The following ZBTB20 variants were observed in gnomAD, a reference collection of about 807,000 sequenced individuals.
ZBTB20 encodes the protein zinc finger and BTB domain-containing protein 20.
Under a neutral mutation model 56.9 loss-of-function variants are expected in ZBTB20, and 9 were observed. The observed-to-expected ratio is 0.16, with a 90% confidence interval of 0.10 to 0.28. ZBTB20 has a LOEUF of 0.28. Among genes scored for constraint, ZBTB20 ranks in the 10% least tolerant of loss-of-function variants. The pLI is 1.00. For synonymous variants in ZBTB20, 417 were observed against 420.7 expected (o/e 0.99, Z 0.11); for missense variants, 655 against 1,003.0 (o/e 0.65, Z 4.69).
chr3:114,829,739 C>T (rs949884655), intron 4 of ZBTB20, among the ~76,000 whole-genome samples: 6 of 151,782 alleles, frequency 4.0e-5, no homozygotes, highest in Non-Finnish European at 7.4e-5. Context: ...ATAAAAGTGG[C>T]GTGCTATCCC....
chr3:114,589,058 C>G (rs1159194541), intron 6 of ZBTB20, among the ~76,000 whole-genome samples: 4 of 152,110 alleles, frequency 2.6e-5, no homozygotes, highest in African/African-American at 9.7e-5. Flanking sequence ...ATGGGAGTAA[C>G]TGCTTCCATG....
intron 6 of ZBTB20, among the ~76,000 whole-genome samples, chr3:114,522,309 G>A (rs1051718844): frequency 1.4e-5 from 2 of 139,968 alleles, no homozygotes; most frequent in African/African-American, 2.9e-5. Flanking sequence ...ATCATGCATG[G>A]TAGGCTGGAG....
At chr3:115,091,042 C>T (rs1255633933) in intron 1 of ZBTB20, among the ~76,000 whole-genome samples, 12 of 151,832 alleles carry the variant, frequency 7.9e-5, no homozygotes, top group African/African-American at 2.4e-4. Context: ...TATATAAGTT[C>T]ATTGTACTTT....
At chr3:114,397,011 C>A (rs1462614562) in intron 7 of ZBTB20, among the ~76,000 whole-genome samples, 1 of 152,156 alleles carries the variant, frequency 6.6e-6, no homozygotes, top group African/African-American at 2.4e-5. Flanking sequence ...CATTAGTAGG[C>A]CCCAGTTGGC....
rs190221458 is a variant in ZBTB20, at chr3:114,613,005, C to A, written c.-295+80523G>T. On this transcript the variant is annotated intron_variant, in intron 6 of 11. Coordinates refer to ENST00000675478, the MANE Select transcript of ZBTB20 (RefSeq NM_001348800.3). The stretch of plus-strand genomic sequence containing the variant: ...ATGAAGATCAGAATCAAGATTAGAG[C>A]CAAGGGCATCAGATTAAAATGCAGA... Among the ~76,000 whole-genome samples, 22 of 152,088 alleles carry A rather than the reference C, an allele frequency of 1.4e-4. No homozygotes were observed. The East Asian group carries it at 3.1e-3, about 21-fold the overall frequency.
intron 10 of ZBTB20, chr3:114,366,671 C>T (rs1318668097): frequency 2.6e-5 from 4 of 152,196 alleles, no homozygotes; most frequent in Admixed American, 1.3e-4. Context: ...AAGTTCCATA[C>T]CCATGTGTCT....
chr3:114,651,175 A>G (rs971689374), intron 6 of ZBTB20, among the ~76,000 whole-genome samples: 2 of 152,100 alleles, frequency 1.3e-5, no homozygotes, highest in African/African-American at 4.8e-5. Context: ...ACTTGTCTAC[A>G]TTTCATAATT....
chr3:115,011,781 C>T (rs80101116), intron 2 of ZBTB20, among the ~76,000 whole-genome samples: 1 of 151,742 alleles, frequency 6.6e-6, no homozygotes, highest in African/African-American at 2.4e-5. Flanking sequence ...ACTGTAACTG[C>T]AGTGTATAAA....
chr3:114,447,888 T>C (rs2091365161), intron 7 of ZBTB20, among the ~76,000 whole-genome samples: 2 of 152,198 alleles, frequency 1.3e-5, no homozygotes, highest in South Asian at 4.1e-4. Flanking sequence ...TCGGATACCC[T>C]GAGCCCCTTT....
In ZBTB20 at chr3:114,733,373, G is replaced by GT. The variant is rs554860219; in HGVS notation, c.-342-39799dup. 3.6e-4 allele frequency among the ~76,000 whole-genome samples: 55 copies of GT among 152,286 alleles called. 1 individual carries two copies. The highest frequency in any genetic ancestry group is 1.2e-3 in the African/African-American group (51 of 41,560). On this transcript the variant is annotated intron_variant, in intron 5 of 11. Transcript: ENST00000675478. ...GCAGAGTGTGCCTGCTTCTGCACAA[G>GT]TTTTTCTAGTTCCGGTTGCTCTAAT...
chr3:114,911,812 C>T (rs1433496864), intron 3 of ZBTB20, among the ~76,000 whole-genome samples: 1 of 151,408 alleles, frequency 6.6e-6, no homozygotes, highest in Non-Finnish European at 1.5e-5. Context: ...TTAGGAATTC[C>T]CAGAGAAGAC....
rs1242635015 is a variant in ZBTB20, at chr3:114,336,781, G to A, written c.*2224C>T. ...ATTAGAAGGAAAATTAAATTAAAAT[G>A]TAATGTAATTTTGAAACTAAAATAC... On this transcript the variant is annotated 3_prime_UTR_variant, in exon 12 of 12. Coordinates refer to ENST00000675478, the MANE Select transcript of ZBTB20 (RefSeq NM_001348800.3). The A allele has an allele frequency of 6.6e-6, 1 of 151,394 alleles. No homozygotes were observed. The highest frequency in any genetic ancestry group is 1.5e-5 in the Non-Finnish European group (1 of 67,454). 9.4% of individuals were successfully genotyped at this position (151,394 alleles called of 1,614,324 possible).
intron 4 of ZBTB20, among the ~76,000 whole-genome samples, chr3:114,831,257 A>T (rs2073828297): frequency 6.6e-6 from 1 of 151,796 alleles, no homozygotes; most frequent in South Asian, 2.1e-4. Flanking sequence ...ACTAAAAATT[A>T]TTGGAACAAT....
chr3:115,048,821 A>T (rs555938150), intron 2 of ZBTB20, among the ~76,000 whole-genome samples: 2 of 152,304 alleles, frequency 1.3e-5, no homozygotes, highest in East Asian at 3.9e-4. Flanking sequence ...GTCTTAAAAC[A>T]GTAATTTTTG....
At chr3:114,727,678 C>A (rs2141769) in intron 5 of ZBTB20, among the ~76,000 whole-genome samples, 146,018 of 152,234 alleles carry the variant, frequency 0.96, 70,347 homozygotes, top group East Asian at 1. Flanking sequence ...AGACAAAAAA[C>A]ATGTTGTGTT....
intron 6 of ZBTB20, among the ~76,000 whole-genome samples, chr3:114,613,253 T>A (rs112285417): frequency 2.5e-4 from 38 of 152,268 alleles, no homozygotes; most frequent in African/African-American, 8.7e-4. Flanking sequence ...ACTGGAAGAC[T>A]GGGAATGATA....
intron 2 of ZBTB20, among the ~76,000 whole-genome samples, chr3:114,984,506 A>C (rs1174787637): frequency 6.6e-6 from 1 of 151,994 alleles, no homozygotes; most frequent in Non-Finnish European, 1.5e-5. Context: ...ACCCAGACCC[A>C]TGTAGTGACA....
chr3:114,558,023 C>A (rs1306330388), intron 6 of ZBTB20, among the ~76,000 whole-genome samples: 1 of 151,978 alleles, frequency 6.6e-6, no homozygotes, highest in African/African-American at 2.4e-5. Flanking sequence ...TCTTTTAATT[C>A]TATTGGGAAA....
At chr3:114,777,238 G>T (rs953442213) in intron 5 of ZBTB20, among the ~76,000 whole-genome samples, 8 of 152,118 alleles carry the variant, frequency 5.3e-5, no homozygotes, top group Admixed American at 1.3e-4. Flanking sequence ...CAATAACTTG[G>T]CTGGGCATGG....
Sources: gnomAD v4.1 joint callset for allele counts (sites outside exome capture counted in the v4.1 genomes callset) on GRCh38, gnomAD v4.1.1 for gene constraint, MANE v1.5 for transcripts, NCBI Gene and HGNC (gene_info 2026-07-23, HGNC 2026-07-21) for gene names.